The following MBTPS2 variants were observed in gnomAD, a reference collection of about 807,000 sequenced individuals.
MBTPS2 encodes the protein membrane-bound transcription factor site-2 protease.
In MBTPS2, 2 loss-of-function variants were observed where a neutral mutation model predicts 35.4. The ratio of observed to expected loss-of-function variants is 0.06; its 90% CI spans 0.02 to 0.18. MBTPS2 has a LOEUF of 0.18. MBTPS2 is among the 10% of genes least tolerant of loss of function. MBTPS2 has a pLI of 1.00. For missense variants in MBTPS2, 244 were observed against 386.5 expected, an observed-to-expected ratio of 0.63 and a Z score of 3.09; for synonymous variants, 125 against 140.4, an observed-to-expected ratio of 0.89 and a Z score of 0.77.
rs752875393 is a variant in MBTPS2, at chrX:21,843,311, T to A, written c.217T>A (p.Tyr73Asn). The A allele has an allele frequency of 6.5e-5, 78 of 1,208,872 alleles. No individual in the cohort carries two copies. In the South Asian group the frequency reaches 7.2e-4, roughly 11 times the overall value. The stretch of plus-strand genomic sequence containing the variant: ...GGGACGGCGGAAAGCAAGGATGCTT[T>A]ACCAATGGTATTCTTCATCTTCTTT... Reference protein sequence around the residue: ...SWGRRKARMLYQWFNFGMVFG... With the variant: ...SWGRRKARMLNQWFNFGMVFG... Residue 73 changes from tyrosine to asparagine, a missense_variant, in exon 2 of 11, where the codon TAC becomes AAC. Tyr to Asn is a moderately radical substitution (Grantham distance 143). Transcript: ENST00000379484.
chrX:21,859,756 A>G (rs1478918605), intron 5 of MBTPS2, among the ~76,000 whole-genome samples: 1 of 111,579 alleles, frequency 9.0e-6, no homozygotes, highest in Non-Finnish European at 1.9e-5. Context: ...TAAACATCCT[A>G]CAATGCGCAG....
chrX:21,854,137 C>G (rs760592430), intron 5 of MBTPS2, among the ~76,000 whole-genome samples: 1 of 111,952 alleles, frequency 8.9e-6, no homozygotes, highest in Non-Finnish European at 1.9e-5. Flanking sequence ...TACTAATTTC[C>G]TCAACTTCAT....
chrX:21,878,623 A>C lies in MBTPS2; in HGVS notation c.1192A>C (p.Ile398Leu). The C allele has an allele frequency of 8.3e-7, 1 of 1,207,994 alleles. No homozygotes were observed. The highest frequency in any genetic ancestry group is 1.1e-6 in the Non-Finnish European group (1 of 892,255). The change falls in exon 9 of 11, where the codon ATA (isoleucine) becomes CTA (leucine). Residue 398 changes from isoleucine (I) to leucine (L), a missense_variant. Ile to Leu is a conservative substitution (Grantham distance 5). Transcript: ENST00000379484. ...IPSLETHTRL[I>L]KVKHPPQIDM... is the part of the protein sequence containing the mutation. ...TTCTTTGGAAACTCACACTCGCTTA[A>C]TAAAAGTAAAACACCCACCTCAGAT... is the stretch of plus-strand genomic sequence containing the variant.
chrX:21,854,994 A>T (rs1288103014), intron 5 of MBTPS2, among the ~76,000 whole-genome samples: 1 of 112,588 alleles, frequency 8.9e-6, no homozygotes, highest in Admixed American at 9.4e-5. Context: ...AAGTTTTGCT[A>T]AAAGAAAAAT....
chrX:21,856,225 G>T (rs1340464651), intron 5 of MBTPS2: 7 of 363,043 alleles, frequency 1.9e-5, no homozygotes, highest in Non-Finnish European at 3.3e-5. Flanking sequence ...CTAGGCGCAT[G>T]CGTCTGGCTA....
intron 1 of MBTPS2, chrX:21,841,895 C>T (rs942958423): frequency 1.8e-5 from 2 of 111,844 alleles, no homozygotes; most frequent in Non-Finnish European, 3.8e-5. Flanking sequence ...TGCTGATCCA[C>T]CCTGGGCTTT....
chrX:21,861,763 G>T (rs2092931664), intron 5 of MBTPS2, among the ~76,000 whole-genome samples: 1 of 110,834 alleles, frequency 9.0e-6, no homozygotes, highest in Admixed American at 9.6e-5. Context: ...GATACCATTG[G>T]TATTTTTAAA....
At chrX:21,875,687 A>G (rs2092952260) in intron 7 of MBTPS2, among the ~76,000 whole-genome samples, 1 of 112,291 alleles carries the variant, frequency 8.9e-6, no homozygotes, top group Admixed American at 9.4e-5. Context: ...ACACTGAGAA[A>G]CCTTTCCCTC....
At chrX:21,870,721 C>T (rs1327050272) in intron 7 of MBTPS2, 1 of 112,143 alleles carries the variant, frequency 8.9e-6, no homozygotes, top group Non-Finnish European at 1.9e-5. Context: ...TCCAAAAATA[C>T]CATGTGAAGT....
At chrX:21,862,962 ATATAT>A in intron 5 of MBTPS2, among the ~76,000 whole-genome samples, 2 of 62,471 alleles carry the variant, frequency 3.2e-5, no homozygotes, top group East Asian at 6.0e-4. Flanking sequence ...ATATATATAT[ATATAT>A]AAAACCGACT....
chrX:21,860,107 A>AG (rs1174528634), intron 5 of MBTPS2, among the ~76,000 whole-genome samples: 15,632 of 96,914 alleles, frequency 0.16, 188 homozygotes, highest in East Asian at 0.24. Flanking sequence ...AAAAAAAAAA[A>AG]AGAGAAAAAG....
intron 2 of MBTPS2, among the ~76,000 whole-genome samples, chrX:21,844,469 G>A (rs1017166541): frequency 5.4e-5 from 6 of 111,960 alleles, no homozygotes; most frequent in Admixed American, 9.5e-5. Context: ...AGCTGTGACC[G>A]TGCCACTGCA....
chrX:21,878,667 A>C lies in MBTPS2; in HGVS notation c.1236A>C (p.Gly412=), dbSNP rs2092955665. The C allele has an allele frequency of 8.3e-7, 1 of 1,203,574 alleles. No homozygotes were observed. The highest frequency in any genetic ancestry group is 2.2e-5 in the Admixed American group (1 of 45,630). ...CTCAGATTGATATGTTATACGTAGGACATCCTCTGCATCTTCACTACACAG... is the reference window on the plus strand; with the variant it reads ...CTCAGATTGATATGTTATACGTAGGCCATCCTCTGCATCTTCACTACACAG... ...HPPQIDMLYV[G]HPLHLHYTVS... The change falls in exon 9 of 11, where the codon GGA becomes GGC. Residue 412 remains glycine (G), a synonymous_variant. Coordinates refer to ENST00000379484, the MANE Select transcript of MBTPS2 (RefSeq NM_015884.4).
At chrX:21,861,519 G>T (rs1446096178) in intron 5 of MBTPS2, among the ~76,000 whole-genome samples, 1 of 110,841 alleles carries the variant, frequency 9.0e-6, no homozygotes, top group African/African-American at 3.3e-5. Flanking sequence ...TTTATGAACA[G>T]ATATGGAAAA....
intron 3 of MBTPS2, among the ~76,000 whole-genome samples, chrX:21,846,991 G>GT (rs1407350920): frequency 9.0e-6 from 1 of 111,604 alleles, no homozygotes; most frequent in East Asian, 2.8e-4. Context: ...ATGGATTCAA[G>GT]TAAGCTTTTG....
Position 21,847,607 on chromosome X carries a change from C to A in MBTPS2, c.438+2223C>A, listed in dbSNP as rs752357212. On this transcript the variant is annotated intron_variant, in intron 3 of 10. Transcript: ENST00000379484. Reference sequence around the variant, plus strand: ...GTATTATCACACATTCAAATTCTTACTTTATCTCACTCACTAGTACATGCA... The same window carrying A: ...GTATTATCACACATTCAAATTCTTAATTTATCTCACTCACTAGTACATGCA... 2.9e-4 allele frequency among the ~76,000 whole-genome samples: 32 copies of A among 112,095 alleles called. No individual in the cohort carries two copies. In the South Asian group the frequency reaches 8.1e-3, roughly 28 times the overall value.
At chrX:21,862,403 A>G (rs1047472877) in intron 5 of MBTPS2, among the ~76,000 whole-genome samples, 1 of 111,139 alleles carries the variant, frequency 9.0e-6, no homozygotes, top group Admixed American at 9.7e-5. Context: ...AGAAATGCAC[A>G]CAATTAACTC....
intron 7 of MBTPS2, among the ~76,000 whole-genome samples, chrX:21,875,735 C>A (rs952389494): frequency 2.7e-5 from 3 of 111,956 alleles, no homozygotes; most frequent in African/African-American, 9.8e-5. Flanking sequence ...CAGACCATAC[C>A]CACATTATTA....
At chrX:21,871,058 T>G (rs2092946769) in intron 7 of MBTPS2, 1 of 117,562 alleles carries the variant, frequency 8.5e-6, no homozygotes. Context: ...TTAAAAAAAC[T>G]TTTTAAAATT....
Sources: allele counts gnomAD v4.1 joint callset (sites outside exome capture counted in the v4.1 genomes callset), GRCh38; gene constraint gnomAD v4.1.1; transcripts MANE v1.5; gene names NCBI Gene and HGNC (gene_info 2026-07-23, HGNC 2026-07-21).